MAP3K20: variants seen among roughly 807,000 people sequenced by gnomAD.
The protein encoded by MAP3K20 is mitogen-activated protein kinase kinase kinase 20.
Under a neutral mutation model 85.7 loss-of-function variants are expected in MAP3K20, and 40 were observed. That is an observed-to-expected ratio of 0.47 (90% CI 0.36 to 0.61). MAP3K20 has a LOEUF of 0.61. Among genes scored for constraint, MAP3K20 ranks in the 20% least tolerant of loss-of-function variants. MAP3K20 has a pLI of 0.00. For missense variants in MAP3K20, 817 were observed against 961.7 expected, an observed-to-expected ratio of 0.85 and a Z score of 1.99; for synonymous variants, 325 against 327.7, an observed-to-expected ratio of 0.99 and a Z score of 0.09.
intron 3 of MAP3K20, among the ~76,000 whole-genome samples, chr2:173,179,576 A>G (rs1690263244): frequency 6.6e-6 from 1 of 152,122 alleles, no homozygotes; most frequent in African/African-American, 2.4e-5. Context: ...ACATCTATTC[A>G]ACATTGTACT....
At chr2:173,185,799 A>G (rs1320990245) in intron 4 of MAP3K20, among the ~76,000 whole-genome samples, 3 of 152,230 alleles carry the variant, frequency 2.0e-5, no homozygotes, top group Non-Finnish European at 4.4e-5. Context: ...GCTAATCAGC[A>G]ATGCTTAAAA....
At chr2:173,230,146 T>C (rs1684489178) in intron 12 of MAP3K20, among the ~76,000 whole-genome samples, 1 of 152,166 alleles carries the variant, frequency 6.6e-6, no homozygotes, top group South Asian at 2.1e-4. Flanking sequence ...TTTCTGTTTT[T>C]AATGCAATAA....
rs1053545032 is a variant in MAP3K20, at chr2:173,260,968, G to A, written c.1477-95G>A. On this transcript the variant is annotated intron_variant, in intron 17 of 19. Transcript: ENST00000375213. The stretch of plus-strand genomic sequence containing the variant: ...ATAATCTGATATTATGCCCCTATTT[G>A]CTAATTGTGTATGGCACAACCGGCC... 2.8e-6 allele frequency: 3 copies of A among 1,060,254 alleles called. No individual in the cohort carries two copies. In the African/African-American group the frequency reaches 4.7e-5, roughly 17 times the overall value. The allele number at this position is 1,060,254 out of a possible 1,614,324, so 65.7% of individuals were successfully genotyped here. A position where few individuals can be genotyped will look rare whatever the true frequency, so the allele number is the denominator to read the frequency against.
At chr2:173,259,867 T>G (rs1419584762) in intron 17 of MAP3K20, among the ~76,000 whole-genome samples, 2 of 152,216 alleles carry the variant, frequency 1.3e-5, no homozygotes, top group Non-Finnish European at 2.9e-5. Flanking sequence ...GATATTTCCT[T>G]TCTTCCCCAC....
chr2:173,179,150 T>C (rs1366141642), intron 3 of MAP3K20, among the ~76,000 whole-genome samples: 1 of 152,088 alleles, frequency 6.6e-6, no homozygotes, highest in Non-Finnish European at 1.5e-5. Flanking sequence ...TCCCAGCACT[T>C]TGGGAGGCCG....
intron 1 of MAP3K20, among the ~76,000 whole-genome samples, chr2:173,081,428 C>G (rs1687011649): frequency 6.6e-6 from 1 of 152,072 alleles, no homozygotes; most frequent in South Asian, 2.1e-4. Flanking sequence ...GGAATAAGCA[C>G]ACGAGGAACA....
chr2:173,094,649 T>G (rs1395672852), intron 2 of MAP3K20, among the ~76,000 whole-genome samples: 1 of 152,202 alleles, frequency 6.6e-6, no homozygotes, highest in Non-Finnish European at 1.5e-5. Flanking sequence ...ATAATGTCCC[T>G]CATTTGGGGT....
At chr2:173,107,366 G>A (rs1235747312) in intron 2 of MAP3K20, among the ~76,000 whole-genome samples, 3 of 152,056 alleles carry the variant, frequency 2.0e-5, no homozygotes, top group Non-Finnish European at 4.4e-5. Context: ...TTGTGCAAGG[G>A]TTTCAGGAGT....
intron 5 of MAP3K20, among the ~76,000 whole-genome samples, chr2:173,190,355 C>G (rs916348058): frequency 1.3e-5 from 2 of 151,908 alleles, no homozygotes; most frequent in African/African-American, 2.4e-5. Flanking sequence ...GAATATAAAC[C>G]CCCTGAGAGC....
rs1689948224 is a variant in MAP3K20, at chr2:173,169,823, C to G, written c.178C>G (p.Leu60Val). The change falls in exon 3 of 20, where the codon CTC becomes GTC. Residue 60 changes from leucine to valine, a missense_variant. This residue lies in a region of MAP3K20 where 200 missense variants were observed against 302.7 expected (regional missense o/e 0.66). Transcript: ENST00000375213. ...TGTACAGGCAGAAATACTCAGTGTC[C>G]TCAGTCACAGAAACATCATCCAGTT... ...IEKEAEILSV[L>V]SHRNIIQFYG... 2 of 1,613,628 alleles carry G rather than the reference C, an allele frequency of 1.2e-6. No individual in the cohort carries two copies. Among genetic ancestry groups the G allele is most frequent in the East Asian group, 4.5e-5 (2 of 44,838 alleles).
intron 10 of MAP3K20, 133 bp from the exon 11 acceptor site, chr2:173,216,982 C>G: frequency 1.2e-6 from 1 of 859,818 alleles, no homozygotes; most frequent in Non-Finnish European, 1.6e-6. Context: ...GATTCCTTCT[C>G]CTCCGGCAGT....
chr2:173,139,205 G>T (rs533052624), intron 2 of MAP3K20, among the ~76,000 whole-genome samples: 1 of 152,240 alleles, frequency 6.6e-6, no homozygotes, highest in African/African-American at 2.4e-5. Flanking sequence ...GGTTTTTCTG[G>T]CTTTGGACCC....
Position 173,266,349 on chromosome 2 carries a change from T to C in MAP3K20, c.2002T>C (p.Ser668Pro), listed in dbSNP as rs1306546918. 6.2e-7 allele frequency: 1 copy of C among 1,614,090 alleles called. No individual in the cohort carries two copies. The highest frequency in any genetic ancestry group is 1.3e-5 in the African/African-American group (1 of 75,004). The change falls in exon 20 of 20, where the codon TCA (serine) becomes CCA (proline). Residue 668 changes from serine (S) to proline (P), a missense_variant. Ser to Pro is a moderately conservative substitution (Grantham distance 74, BLOSUM62 -1). This residue lies in a region of MAP3K20 where 454 missense variants were observed against 476.9 expected (regional missense o/e 0.95). Coordinates refer to ENST00000375213, the MANE Select transcript of MAP3K20 (RefSeq NM_016653.3). Reference sequence around the variant, plus strand: ...TTCCAGTGGCAATACTGACACCTCTTCAGAGAGGGGTCGATACTCAGACAG... The same window carrying C: ...TTCCAGTGGCAATACTGACACCTCTCCAGAGAGGGGTCGATACTCAGACAG... Reference protein sequence around the residue: ...GFSSGNTDTSSERGRYSDRSR... With the variant: ...GFSSGNTDTSPERGRYSDRSR...
chr2:173,251,621 G>T (rs959326237), intron 16 of MAP3K20, among the ~76,000 whole-genome samples: 5 of 152,214 alleles, frequency 3.3e-5, no homozygotes, highest in African/African-American at 1.2e-4. Context: ...GATAGAAGCT[G>T]GAACAGTGTC....
chr2:173,171,863 G>C (rs938770561), intron 3 of MAP3K20, among the ~76,000 whole-genome samples: 1 of 152,148 alleles, frequency 6.6e-6, no homozygotes, highest in Non-Finnish European at 1.5e-5. Flanking sequence ...TTATGAGGCA[G>C]TAGTAGATTG....
intron 2 of MAP3K20, among the ~76,000 whole-genome samples, chr2:173,165,654 A>AT (rs1689797900): frequency 6.6e-6 from 1 of 152,146 alleles, no homozygotes; most frequent in African/African-American, 2.4e-5. Context: ...TTTCAGCGTA[A>AT]TTAAGTGTAT....
chr2:173,097,348 T>C (rs996256405), intron 2 of MAP3K20, among the ~76,000 whole-genome samples: 1 of 152,184 alleles, frequency 6.6e-6, no homozygotes, highest in Non-Finnish European at 1.5e-5. Flanking sequence ...AGAGTGAGAC[T>C]CTGTCTCAAA....
At chr2:173,098,782 T>C (rs1419715325) in intron 2 of MAP3K20, among the ~76,000 whole-genome samples, 1 of 152,212 alleles carries the variant, frequency 6.6e-6, no homozygotes, top group Non-Finnish European at 1.5e-5. Context: ...TTAGAATTTG[T>C]TCATTCTGGA....
At chr2:173,170,504 G>A (rs1253568315) in intron 3 of MAP3K20, among the ~76,000 whole-genome samples, 6 of 152,152 alleles carry the variant, frequency 3.9e-5, no homozygotes, top group African/African-American at 1.4e-4. Flanking sequence ...GCTCATATTT[G>A]TATAATCCAC....
Sources: allele counts gnomAD v4.1 joint callset (sites outside exome capture counted in the v4.1 genomes callset), GRCh38; gene constraint gnomAD v4.1.1; regional missense constraint gnomAD v4.1.1; transcripts MANE v1.5; gene names NCBI Gene and HGNC (gene_info 2026-07-23, HGNC 2026-07-21).